The following MAP7D1 variants were observed in gnomAD, a reference collection of about 807,000 sequenced individuals.
MAP7D1 encodes MAP7 domain containing 1.
MAP7D1 carries 30 observed loss-of-function variants against 97.5 expected under a neutral mutation model. The ratio of observed to expected loss-of-function variants is 0.31; its 90% CI spans 0.23 to 0.42. The LOEUF is 0.42. MAP7D1 is among the 10% of genes least tolerant of loss of function. The pLI is 1.00. For missense variants in MAP7D1, 1,184 were observed against 1,179.5 expected, an observed-to-expected ratio of 1.00 and a Z score of -0.06; for synonymous variants, 536 against 477.1, an observed-to-expected ratio of 1.12 and a Z score of -1.61.
At position 36,164,781 on chromosome 1, in the gene MAP7D1, G is replaced by T. The variant is rs573790856; in HGVS notation, c.47-6190G>T. Among the ~76,000 whole-genome samples the T allele has an allele frequency of 1.2e-4, 19 of 152,326 alleles. No homozygotes were observed. The East Asian group carries it at 3.1e-3, about 25-fold the overall frequency. ...GATCAGATTTGCATTTGCTCTGGCTGCTCAGTGGAGCAGAGAGTGGGAATG... is the reference window on the plus strand; with the variant it reads ...GATCAGATTTGCATTTGCTCTGGCTTCTCAGTGGAGCAGAGAGTGGGAATG... On this transcript the variant is annotated intron_variant, in intron 1 of 16. Transcript: ENST00000474796.
rs1490928631 is a variant in MAP7D1 at position 36,176,818 on chromosome 1, C to T, written c.1355C>T (p.Ser452Phe). 6.3e-7 allele frequency: 1 copy of T among 1,599,036 alleles called. No homozygotes were observed. Among genetic ancestry groups the T allele is most frequent in the African/African-American group, 1.3e-5 (1 of 74,894 alleles). The change falls in exon 8 of 17, where the codon TCT becomes TTT. Residue 452 changes from serine to phenylalanine, a missense_variant. Physicochemically the swap from Ser to Phe is radical, Grantham distance 155. Coordinates refer to ENST00000474796, the MANE Select transcript of MAP7D1 (RefSeq NM_001388490.1). This position sits in a 1 kb window ranked among gnomAD's most constrained non-coding sequence, Gnocchi z 6.1. ...SLPASPRARL[S>F]ASTASELSPK... The stretch of plus-strand genomic sequence containing the variant: ...CCCGCCTCCCCACGTGCCCGCCTCT[C>T]TGCCAGCACCGCCTCTGAGCTCAGG...
intron 1 of MAP7D1, chr1:36,157,405 A>G (rs1644351079): frequency 6.6e-6 from 1 of 151,526 alleles, no homozygotes; most frequent in African/African-American, 2.4e-5. Flanking sequence ...ACCTTAGACC[A>G]CCAAAGCTCC....
At chr1:36,156,778 C>T (rs1439634093) in intron 1 of MAP7D1, among the ~76,000 whole-genome samples, 1 of 152,102 alleles carries the variant, frequency 6.6e-6, no homozygotes, top group Non-Finnish European at 1.5e-5. Context: ...CACGTCCCTT[C>T]CCGATTCACC....
At chr1:36,163,679 ATTATTATTT>A (rs1186970974) in intron 1 of MAP7D1, among the ~76,000 whole-genome samples, 1 of 152,094 alleles carries the variant, frequency 6.6e-6, no homozygotes, top group Non-Finnish European at 1.5e-5. Context: ...GTAAACACTC[ATTATTATTT>A]TTATTAACTT....
chr1:36,165,013 C>T (rs1022435758), intron 1 of MAP7D1, among the ~76,000 whole-genome samples: 11 of 152,320 alleles, frequency 7.2e-5, no homozygotes, highest in Admixed American at 3.3e-4. Context: ...TATATTCTAG[C>T]AGTGGGAGAC....
rs1389744452 is a variant in MAP7D1, at chr1:36,176,882, G to A, written c.1379+40G>A. The A allele has an allele frequency of 1.3e-6, 2 of 1,505,626 alleles. No homozygotes were observed. Among genetic ancestry groups the A allele is most frequent in the South Asian group, 2.4e-5 (2 of 83,496 alleles). The allele number at this position is 1,505,626 out of a possible 1,614,324, so 93.3% of individuals were successfully genotyped here. ...TGCGAGGGACCCTGCCCCTCACCGG[G>A]TCATTTATTCATCACCCACAAATAT... On this transcript the variant is annotated intron_variant, in intron 8 of 16. Coordinates refer to ENST00000474796, the MANE Select transcript of MAP7D1 (RefSeq NM_001388490.1). The surrounding 1 kb of genome is among the most constrained non-coding windows in gnomAD (Gnocchi z 6.1).
At chr1:36,170,735 T>C (rs983590046) in intron 1 of MAP7D1, among the ~76,000 whole-genome samples, 7 of 152,212 alleles carry the variant, frequency 4.6e-5, no homozygotes, top group East Asian at 1.9e-4. Flanking sequence ...TTCTCTACTG[T>C]AGTTGCCTAG....
Position 36,172,543 on chromosome 1 carries a change from C to G in MAP7D1, c.540C>G (p.Arg180=). The G allele has an allele frequency of 6.2e-7, 1 of 1,603,108 alleles. No homozygotes were observed. The highest frequency in any genetic ancestry group is 8.5e-7 in the Non-Finnish European group (1 of 1,171,874). Residue 180 remains arginine (R), a synonymous_variant, in exon 4 of 17, where the codon CGC becomes CGG. Coordinates refer to ENST00000474796, the MANE Select transcript of MAP7D1 (RefSeq NM_001388490.1). ...AGAAGCAGCTCCAGGAGCGCCGGCG[C>G]CGGCTGGAGGAGCAACGTCTTAAAG... is the stretch of plus-strand genomic sequence containing the variant. ...LREKQLQERR[R]RLEEQRLKAE... is the part of the protein sequence containing the mutation.
intron 15 of MAP7D1, 57 bp downstream of exon 15, chr1:36,179,813 G>A: frequency 6.4e-7 from 1 of 1,566,234 alleles, no homozygotes; most frequent in Non-Finnish European, 8.7e-7. Context: ...AGCTGGAGCT[G>A]CGGGGTGGCC....
Position 36,177,923 on chromosome 1 carries a change from C to T in MAP7D1, c.1430C>T (p.Pro477Leu). 6.4e-7 allele frequency: 1 copy of T among 1,566,788 alleles called. No individual in the cohort carries two copies. Among genetic ancestry groups the T allele is most frequent in the Admixed American group, 1.8e-5 (1 of 54,060 alleles). The part of the protein sequence containing the change: ...PSSPSTSWHR[P>L]ASPCPSPGPG... ...TCTCCCTCCACATCCTGGCACAGGC[C>T]TGCCTCCCCCTGCCCCAGCCCAGGG... Residue 477 changes from proline (P) to leucine (L), a missense_variant, in exon 9 of 17, where the codon CCT becomes CTT. Transcript: ENST00000474796.
rs1644598555 is a variant in MAP7D1, at chr1:36,174,977, C to T, written c.819C>T (p.Ser273=). The T allele has an allele frequency of 6.2e-7, 1 of 1,613,998 alleles. No homozygotes were observed. The highest frequency in any genetic ancestry group is 8.5e-7 in the Non-Finnish European group (1 of 1,179,906). ...DSIINKRLSK[S]SATLWNSPSR... The stretch of plus-strand genomic sequence containing the variant: ...TAATCAACAAGCGGCTCTCAAAGTC[C>T]TCTGCCACGCTCTGGAACTCCCCCA... The change falls in exon 6 of 17, where the codon TCC becomes TCT. Residue 273 remains serine, a synonymous_variant. Coordinates refer to ENST00000474796, the MANE Select transcript of MAP7D1 (RefSeq NM_001388490.1).
chr1:36,178,360 G>A, intron 9 of MAP7D1, 59 bp from the exon 10 acceptor site: 1 of 1,548,210 alleles, frequency 6.5e-7, no homozygotes, highest in South Asian at 1.2e-5. Context: ...CAGGCCGCTG[G>A]GAGATGACGG....
chr1:36,180,215 G>A (rs1231383108), intron 16 of MAP7D1, 33 bp from the exon 17 acceptor site: 1 of 1,613,940 alleles, frequency 6.2e-7, no homozygotes, highest in Non-Finnish European at 8.5e-7. Flanking sequence ...AGTGCTGTTT[G>A]CCCTGACTGT....
intron 1 of MAP7D1, among the ~76,000 whole-genome samples, chr1:36,160,943 G>A (rs1644400656): frequency 6.6e-6 from 1 of 152,266 alleles, no homozygotes; most frequent in Admixed American, 6.5e-5. Context: ...CTGAGGTTGG[G>A]CCTCTGCCTT....
At position 36,156,344 on chromosome 1, in the gene MAP7D1, G is replaced by C. The variant is rs1644327942; in HGVS notation, c.-74G>C. On this transcript the variant is annotated 5_prime_UTR_variant, in exon 1 of 17. Coordinates refer to ENST00000474796, the MANE Select transcript of MAP7D1 (RefSeq NM_001388490.1). ...GCCGGGCCGGGCGTGATGCGCCGCGGGACCCCTGTCCTGGCCACTGGCCGC... is the reference window on the plus strand; with the variant it reads ...GCCGGGCCGGGCGTGATGCGCCGCGCGACCCCTGTCCTGGCCACTGGCCGC... 3.1e-6 allele frequency: 4 copies of C among 1,297,896 alleles called. No individual in the cohort carries two copies. Among genetic ancestry groups the C allele is most frequent in the Non-Finnish European group, 3.1e-6 (3 of 981,664 alleles). 80.4% of individuals were successfully genotyped at this position (1,297,896 alleles called of 1,614,324 possible). A position where few individuals can be genotyped will look rare whatever the true frequency, so the allele number is the denominator to read the frequency against.
chr1:36,178,817 G>T lies in MAP7D1; in HGVS notation c.2019G>T (p.Gln673His). Reference sequence around the variant, plus strand: ...AGCAGGAGGAGCAGGAGCGGCTGCAGAAGCAGGTGCCCCCGGCGGGCGGGA... The same window carrying T: ...AGCAGGAGGAGCAGGAGCGGCTGCATAAGCAGGTGCCCCCGGCGGGCGGGA... ...QAEQEEQERL[Q>H]KQKEEAEARS... Residue 673 changes from glutamine to histidine, a missense_variant, in exon 11 of 17, where the codon CAG becomes CAT. Physicochemically the swap from Gln to His is conservative, Grantham distance 24. Coordinates refer to ENST00000474796, the MANE Select transcript of MAP7D1 (RefSeq NM_001388490.1). The T allele has an allele frequency of 6.5e-7, 1 of 1,542,394 alleles. No homozygotes were observed. Among genetic ancestry groups the T allele is most frequent in the Middle Eastern group, 2.1e-4 (1 of 4,836 alleles).
chr1:36,172,510 G>A lies in MAP7D1; in HGVS notation c.507G>A (p.Ala169=), dbSNP rs201573311. 2.0e-5 allele frequency: 32 copies of A among 1,601,856 alleles called. No individual in the cohort carries two copies. The highest frequency in any genetic ancestry group is 2.3e-5 in the Non-Finnish European group (27 of 1,171,490). The part of the protein sequence containing the change: ...VWLEKEEKAK[A]LREKQLQERR... The stretch of plus-strand genomic sequence containing the variant: ...TGGAGAAGGAGGAGAAGGCCAAGGC[G>A]CTGCGGGAGAAGCAGCTCCAGGAGC... Residue 169 remains alanine (A), a synonymous_variant, in exon 4 of 17, where the codon GCG becomes GCA. Coordinates refer to ENST00000474796, the MANE Select transcript of MAP7D1 (RefSeq NM_001388490.1).
At chr1:36,156,531 G>A in intron 1 of MAP7D1, 68 bp downstream of exon 1, 15 of 1,282,476 alleles carry the variant, frequency 1.2e-5, no homozygotes, top group Non-Finnish European at 1.5e-5. Flanking sequence ...CCGAGGATGA[G>A]GCCGGCCGGC....
rs200413506 is a variant in MAP7D1, at chr1:36,177,524, A to AAAC, written c.1380-328_1380-326dup. 1.7e-3 allele frequency: 957 copies of AAAC among 548,508 alleles called. 4 individuals are homozygous for AAAC. The East Asian group carries it at 0.023, about 13-fold the overall frequency. The allele number at this position is 548,508 out of a possible 1,614,324, so 34.0% of individuals were successfully genotyped here. On this transcript the variant is annotated intron_variant, in intron 8 of 16. Coordinates refer to ENST00000474796, the MANE Select transcript of MAP7D1 (RefSeq NM_001388490.1). ...GGGGGTCAGCCAGATTCTGTCTTAA[A>AAAC]AACAACAACAACAACAACAACAAAA...
Sources: gnomAD v4.1 joint callset for allele counts (sites outside exome capture counted in the v4.1 genomes callset) on GRCh38, gnomAD v4.1.1 for gene constraint, Gnocchi (gnomAD v3.1) non-coding constraint, MANE v1.5 for transcripts, NCBI Gene and HGNC (gene_info 2026-07-23, HGNC 2026-07-21) for gene names.